The following CYGB variants were observed in gnomAD, a reference collection of about 807,000 sequenced individuals.
CYGB encodes histoglobin.
Under a neutral mutation model 20.7 loss-of-function variants are expected in CYGB, and 13 were observed. The ratio of observed to expected loss-of-function variants is 0.63; its 90% CI spans 0.41 to 1.00. CYGB has a LOEUF of 1.00. Ranked by LOEUF, CYGB falls within the 50% of genes least tolerant of loss-of-function variation. The probability of loss-of-function intolerance (pLI) is 0.00; values close to 1 mark genes in which losing one functional copy is unlikely to be tolerated. For missense variants in CYGB, 218 were observed against 257.2 expected, an observed-to-expected ratio of 0.85 and a Z score of 1.04; for synonymous variants, 93 against 107.4, an observed-to-expected ratio of 0.87 and a Z score of 0.83.
chr17:76,548,170 C>G (rs940224053), intron 1 of CYGB, among the ~76,000 whole-genome samples: 1 of 152,020 alleles, frequency 6.6e-6, no homozygotes, highest in African/African-American at 2.4e-5. Flanking sequence ...TACACACACA[C>G]ATATACACCG....
Position 76,531,208 on chromosome 17 carries a change from C to A in CYGB, c.376-66G>T. On this transcript the variant is annotated intron_variant, in intron 2 of 3. Coordinates refer to ENST00000293230, the MANE Select transcript of CYGB (RefSeq NM_134268.5). This position sits in a 1 kb window ranked among gnomAD's most constrained non-coding sequence, Gnocchi z 7.4. ...CCCTGCGTCCTGCAACCCCCAGGCCCCTCCGCCCCACGTGTGGCCGAGAGG... is the reference window on the plus strand; with the variant it reads ...CCCTGCGTCCTGCAACCCCCAGGCCACTCCGCCCCACGTGTGGCCGAGAGG... The A allele has an allele frequency of 6.6e-7, 1 of 1,516,064 alleles. No individual in the cohort carries two copies. The highest frequency in any genetic ancestry group is 9.0e-7 in the Non-Finnish European group (1 of 1,109,352). The allele number at this position is 1,516,064 out of a possible 1,614,324, so 93.9% of individuals were successfully genotyped here.
intron 1 of CYGB, among the ~76,000 whole-genome samples, chr17:76,535,580 A>G (rs1183740030): frequency 6.6e-6 from 1 of 152,094 alleles, no homozygotes; most frequent in Admixed American, 6.5e-5. Flanking sequence ...GTGGAGTCAG[A>G]GTGGTGAGGG....
At chr17:76,547,623 CT>C (rs1466118591) in intron 1 of CYGB, among the ~76,000 whole-genome samples, 1 of 144,508 alleles carries the variant, frequency 6.9e-6, no homozygotes, top group Non-Finnish European at 1.5e-5. Context: ...AATCCTGTCC[CT>C]ATGTGAACAC....
Position 76,531,331 on chromosome 17 carries a change from T to C in CYGB, c.375+129A>G, listed in dbSNP as rs1396984419. On this transcript the variant is annotated intron_variant, in intron 2 of 3. Transcript: ENST00000293230. The surrounding 1 kb of genome is among the most constrained non-coding windows in gnomAD (Gnocchi z 7.4). Reference sequence around the variant, plus strand: ...GCCCCTCCATCCTGCTGCCGGGCACTGCCCCTCCCTCTCGCAGCCACTCCG... The same window carrying C: ...GCCCCTCCATCCTGCTGCCGGGCACCGCCCCTCCCTCTCGCAGCCACTCCG... 2.1e-5 allele frequency: 27 copies of C among 1,276,138 alleles called. No homozygotes were observed. Among genetic ancestry groups the C allele is most frequent in the Non-Finnish European group, 2.9e-5 (27 of 924,028 alleles). 79.1% of individuals were successfully genotyped at this position (1,276,138 alleles called of 1,614,324 possible).
At position 76,536,885 on chromosome 17, in the gene CYGB, C is replaced by T. The variant is rs1469437949; in HGVS notation, c.143+515G>A. 3.3e-5 allele frequency among the ~76,000 whole-genome samples: 5 copies of T among 152,246 alleles called. No homozygotes were observed. In the East Asian group the frequency reaches 9.7e-4, roughly 29 times the overall value. ...GAAGGGGGCAGCTGGGAACACTGGACCCCCCGGGCTCTCCTCTTTCTCAAC... is the reference window on the plus strand; with the variant it reads ...GAAGGGGGCAGCTGGGAACACTGGATCCCCCGGGCTCTCCTCTTTCTCAAC... On this transcript the variant is annotated intron_variant, in intron 1 of 3. Transcript: ENST00000293230.
chr17:76,542,897 C>T (rs1455289869), intron 1 of CYGB: 5 of 586,146 alleles, frequency 8.5e-6, no homozygotes, highest in South Asian at 6.3e-5. Flanking sequence ...GCGAGGTGGT[C>T]GTGCTGGGGC....
intron 1 of CYGB, among the ~76,000 whole-genome samples, chr17:76,534,430 C>T (rs1567907974): frequency 3.3e-5 from 5 of 152,174 alleles, no homozygotes; most frequent in South Asian, 2.1e-4. Flanking sequence ...CTGCCTGCCT[C>T]GGCCTCACAA....
At chr17:76,538,735 G>C (rs2074952343), upstream of CYGB, among the ~76,000 whole-genome samples, 2 of 152,338 alleles carry the variant, frequency 1.3e-5, no homozygotes, top group African/African-American at 4.8e-5. Context: ...GCCAGAGGTG[G>C]GGGGAGAATC....
At chr17:76,544,162 CTGA>C in intron 1 of CYGB, 1 of 454,598 alleles carries the variant, frequency 2.2e-6, no homozygotes, top group Non-Finnish European at 4.4e-6. Context: ...GCAGCTGCTC[CTGA>C]TGTCTCACAG....
chr17:76,540,240 T>C, upstream of CYGB: 2 of 219,518 alleles, frequency 9.1e-6, no homozygotes, highest in Non-Finnish European at 1.7e-5. This position sits in a 1 kb window ranked among gnomAD's most constrained non-coding sequence, Gnocchi z 5.0. Flanking sequence ...GGGCTATGGC[T>C]GGCGGTTGGT....
upstream of CYGB, among the ~76,000 whole-genome samples, chr17:76,538,906 C>T (rs1275474459): frequency 1.3e-5 from 2 of 152,228 alleles, no homozygotes; most frequent in Non-Finnish European, 2.9e-5. Context: ...AGGGTTGGCT[C>T]TGCGCTTTCA....
At position 76,530,956 on chromosome 17, in the gene CYGB, C is replaced by T; in HGVS notation, c.539+23G>A. The T allele has an allele frequency of 6.5e-7, 1 of 1,548,938 alleles. No homozygotes were observed. Among genetic ancestry groups the T allele is most frequent in the African/African-American group, 1.4e-5 (1 of 73,416 alleles). On this transcript the variant is annotated intron_variant, in intron 3 of 3. Transcript: ENST00000293230. This position sits in a 1 kb window ranked among gnomAD's most constrained non-coding sequence, Gnocchi z 6.1. ...AGGACATGGCGGGGAGGCTGCCCAG[C>T]CCACCCTCGCCCGCCTCCTCACGTG...
upstream of CYGB, chr17:76,538,273 T>C: frequency 5.2e-6 from 1 of 192,606 alleles, no homozygotes; most frequent in South Asian, 6.0e-5. Flanking sequence ...AGCCAGCCGC[T>C]GGGGGCCGCG....
upstream of CYGB, chr17:76,540,150 C>G: frequency 6.2e-7 from 1 of 1,604,602 alleles, no homozygotes; most frequent in South Asian, 1.1e-5. This position sits in a 1 kb window ranked among gnomAD's most constrained non-coding sequence, Gnocchi z 5.0. Context: ...CCATGTGCAC[C>G]ACCCTTTTCC....
Position 76,531,975 on chromosome 17 carries a change from C to CCGAGA in CYGB, c.144-285_144-284insTCTCG. On this transcript the variant is annotated intron_variant, in intron 1 of 3. Coordinates refer to ENST00000293230, the MANE Select transcript of CYGB (RefSeq NM_134268.5). The surrounding 1 kb of genome is among the most constrained non-coding windows in gnomAD (Gnocchi z 7.4). ...CCTCGCTTCTTGCTTCCTTCCCAAA[C>CCGAGA]TCTACACCCCCTTCAAGCCCTGCTC... The CCGAGA allele has an allele frequency of 3.0e-6, 1 of 336,914 alleles. No individual in the cohort carries two copies. The highest frequency in any genetic ancestry group is 5.5e-6 in the Non-Finnish European group (1 of 180,592). 20.9% of individuals were successfully genotyped at this position (336,914 alleles called of 1,614,324 possible).
intron 1 of CYGB, among the ~76,000 whole-genome samples, chr17:76,532,236 A>T (rs758654734): frequency 6.6e-6 from 1 of 152,182 alleles, no homozygotes; most frequent in Non-Finnish European, 1.5e-5. Flanking sequence ...ACTCATGTCC[A>T]CATTCCCCAC....
upstream of CYGB, among the ~76,000 whole-genome samples, chr17:76,541,721 C>T (rs538270342): frequency 1.4e-4 from 22 of 152,298 alleles, no homozygotes; most frequent in African/African-American, 5.1e-4. Context: ...ACCCCTGGGC[C>T]TCCCCCGATA....
At chr17:76,544,291 TC>T (rs2075028407) in intron 1 of CYGB, 1 of 454,308 alleles carries the variant, frequency 2.2e-6, no homozygotes, top group Admixed American at 2.4e-5. Context: ...GCCCTTGACT[TC>T]CAGGCAGTAG....
At position 76,537,397 on chromosome 17, in the gene CYGB, T is replaced by C. The variant is rs1422656935; in HGVS notation, c.143+3A>G. 2 of 1,589,800 alleles carry C rather than the reference T, an allele frequency of 1.3e-6. No individual in the cohort carries two copies. Among genetic ancestry groups the C allele is most frequent in the Admixed American group, 3.4e-5 (2 of 58,464 alleles). ...GGGCCCGGCCGGGCCGGGCGACACC[T>C]ACCTCACCAGGATGGCCACCCCCAC... On this transcript the variant is annotated splice_donor_region_variant and intron_variant, in intron 1 of 3. Coordinates refer to ENST00000293230, the MANE Select transcript of CYGB (RefSeq NM_134268.5).
Sources: allele counts gnomAD v4.1 joint callset (sites outside exome capture counted in the v4.1 genomes callset), GRCh38; gene constraint gnomAD v4.1.1; non-coding constraint Gnocchi (gnomAD v3.1); transcripts MANE v1.5; gene names NCBI Gene and HGNC (gene_info 2026-07-23, HGNC 2026-07-21).